Variants in CLEC4D observed in about 807,000 individuals in gnomAD.
CLEC4D encodes the protein C-type (calcium dependent, carbohydrate-recognition domain) lectin, superfamily member 8.
In CLEC4D, 21 loss-of-function variants were observed where a neutral mutation model predicts 21.1. The ratio of observed to expected loss-of-function variants is 1.00; its 90% CI spans 0.71 to 1.43. The LOEUF (loss-of-function observed/expected upper bound fraction) is 1.43, where lower values mean the gene tolerates loss of function less well. CLEC4D is among the 40% of genes most tolerant of loss of function. The pLI, the probability that CLEC4D is intolerant of heterozygous loss-of-function variation, is 0.00. For missense variants in CLEC4D, 289 were observed against 260.7 expected, an observed-to-expected ratio of 1.11 and a Z score of -0.75; for synonymous variants, 85 against 83.1, an observed-to-expected ratio of 1.02 and a Z score of -0.12.
the CLEC4D span, among the ~76,000 whole-genome samples, chr12:8,528,430 A>C: frequency 6.6e-6 from 1 of 152,032 alleles, no homozygotes; most frequent in Admixed American, 6.6e-5. Flanking sequence ...ATAAGAAATA[A>C]ATTTCTTTTC....
chr12:8,528,899 A>G, the CLEC4D span, among the ~76,000 whole-genome samples: 1 of 151,630 alleles, frequency 6.6e-6, no homozygotes, highest in Non-Finnish European at 1.5e-5. Context: ...TAAACATATA[A>G]TTACATACAT....
chr12:8,525,784 T>C (rs901884747), downstream of CLEC4D, among the ~76,000 whole-genome samples: 1 of 152,144 alleles, frequency 6.6e-6, no homozygotes, highest in Non-Finnish European at 1.5e-5. Context: ...CATAGTGTCA[T>C]TGGTCTTTAT....
At position 8,520,222 on chromosome 12, in the gene CLEC4D, G is replaced by A; in HGVS notation, c.385-4G>A. 1.9e-6 allele frequency: 3 copies of A among 1,613,214 alleles called. No individual in the cohort carries two copies. The highest frequency in any genetic ancestry group is 2.5e-6 in the Non-Finnish European group (3 of 1,179,418). On this transcript the variant is annotated splice_polypyrimidine_tract_variant and splice_region_variant and intron_variant, in intron 4 of 5. Coordinates refer to ENST00000299665, the MANE Select transcript of CLEC4D (RefSeq NM_080387.5). ...ACTATATTAAAATTTACATTTTTAT[G>A]CAGAACTTTATTATTCAGTTTCTGG...
chr12:8,516,689 A>G (rs1205960747), intron 2 of CLEC4D, among the ~76,000 whole-genome samples: 2 of 152,222 alleles, frequency 1.3e-5, no homozygotes, highest in Non-Finnish European at 2.9e-5. Context: ...GGAAAAGTTT[A>G]CCGCTATCAT....
intron 2 of CLEC4D, among the ~76,000 whole-genome samples, chr12:8,516,406 A>G (rs1430052014): frequency 6.6e-6 from 1 of 152,208 alleles, no homozygotes; most frequent in African/African-American, 2.4e-5. Flanking sequence ...TCAAACCAGT[A>G]GGAAAAATAC....
downstream of CLEC4D, among the ~76,000 whole-genome samples, chr12:8,523,965 T>G (rs1032919182): frequency 2.0e-5 from 3 of 152,140 alleles, no homozygotes; most frequent in African/African-American, 7.2e-5. Flanking sequence ...ACCATGTGGT[T>G]TTTGTCTTTG....
At chr12:8,529,686 C>A in the CLEC4D span, among the ~76,000 whole-genome samples, 7 of 152,240 alleles carry the variant, frequency 4.6e-5, no homozygotes, top group African/African-American at 1.4e-4. Flanking sequence ...AGTAAGAATA[C>A]AGCAAATGGT....
At chr12:8,529,158 C>T in the CLEC4D span, among the ~76,000 whole-genome samples, 167 of 152,196 alleles carry the variant, frequency 1.1e-3, no homozygotes, top group African/African-American at 3.9e-3. Context: ...ATCACCAGAG[C>T]AATCTCCGTT....
At chr12:8,520,459 G>T in intron 5 of CLEC4D, 118 bp downstream of exon 5, 1 of 1,413,084 alleles carries the variant, frequency 7.1e-7, no homozygotes, top group Non-Finnish European at 9.3e-7. Context: ...GACCACTGTA[G>T]GTTGAGTAAT....
rs1023576311 is a variant in CLEC4D at position 8,521,566 on chromosome 12, T to C, written c.*295T>C. 1 of 267,156 alleles carries C rather than the reference T, an allele frequency of 3.7e-6. No homozygotes were observed. The highest frequency in any genetic ancestry group is 6.4e-6 in the Non-Finnish European group (1 of 156,106). The allele number at this position is 267,156 out of a possible 1,614,324, so 16.5% of individuals were successfully genotyped here. On this transcript the variant is annotated 3_prime_UTR_variant, in exon 6 of 6. Coordinates refer to ENST00000299665, the MANE Select transcript of CLEC4D (RefSeq NM_080387.5). Reference sequence around the variant, plus strand: ...TTTCAATTGGTGTGCACTGAATGCATGTATGGAAGAATAGCGTGAATAATG... The same window carrying C: ...TTTCAATTGGTGTGCACTGAATGCACGTATGGAAGAATAGCGTGAATAATG...
At chr12:8,525,599 T>C (rs1275982812), downstream of CLEC4D, among the ~76,000 whole-genome samples, 1 of 152,198 alleles carries the variant, frequency 6.6e-6, no homozygotes, top group African/African-American at 2.4e-5. Context: ...GTAAGATGGG[T>C]CGCCTGAATA....
chr12:8,525,794 T>C (rs778049334), downstream of CLEC4D, among the ~76,000 whole-genome samples: 4 of 152,316 alleles, frequency 2.6e-5, no homozygotes, highest in Admixed American at 2.0e-4. Context: ...TTGGTCTTTA[T>C]ATTTTGGTCT....
the CLEC4D span, among the ~76,000 whole-genome samples, chr12:8,527,483 C>T: frequency 5.9e-5 from 9 of 152,350 alleles, no homozygotes; most frequent in African/African-American, 2.2e-4. Context: ...CGCAGACTGC[C>T]ACAGCCAGTG....
downstream of CLEC4D, among the ~76,000 whole-genome samples, chr12:8,525,186 G>A (rs1479639741): frequency 2.0e-5 from 3 of 152,160 alleles, no homozygotes; most frequent in Non-Finnish European, 2.9e-5. Flanking sequence ...CTGATTTGGG[G>A]TAGAGAGTTC....
rs757653732 is a variant in CLEC4D, at chr12:8,514,065, A to G, written c.28+305A>G. Among the ~76,000 whole-genome samples the G allele has an allele frequency of 5.3e-3, 809 of 152,292 alleles. 11 individuals carry two copies. Among genetic ancestry groups the G allele is most frequent in the African/African-American group, 0.019 (772 of 41,586 alleles). ...AAGAAAAAAGAGAAAAGGAAGATGT[A>G]GAAAAAGCATTTAGGCTTATGCTGT... On this transcript the variant is annotated intron_variant, in intron 1 of 5. Coordinates refer to ENST00000299665, the MANE Select transcript of CLEC4D (RefSeq NM_080387.5).
the CLEC4D span, among the ~76,000 whole-genome samples, chr12:8,530,083 T>G: frequency 2.6e-5 from 4 of 152,200 alleles, no homozygotes; most frequent in Admixed American, 2.6e-4. Context: ...GTAATTAATC[T>G]TATCAACATT....
chr12:8,524,012 C>T (rs1046508592), downstream of CLEC4D, among the ~76,000 whole-genome samples: 7 of 152,078 alleles, frequency 4.6e-5, no homozygotes, highest in Non-Finnish European at 4.4e-5. Context: ...TATTGATTTG[C>T]GTATGTTGAA....
chr12:8,527,961 C>T, the CLEC4D span, among the ~76,000 whole-genome samples: 4 of 152,170 alleles, frequency 2.6e-5, no homozygotes, highest in Non-Finnish European at 5.9e-5. Flanking sequence ...CCATGTGGCT[C>T]TCAGGTGGGC....
At chr12:8,526,356 C>T (rs1189361636), downstream of CLEC4D, among the ~76,000 whole-genome samples, 2 of 152,098 alleles carry the variant, frequency 1.3e-5, no homozygotes, top group East Asian at 3.9e-4. Context: ...TTTATGAAGT[C>T]CCATATTTCT....
Sources: allele counts gnomAD v4.1 joint callset (sites outside exome capture counted in the v4.1 genomes callset), GRCh38; gene constraint gnomAD v4.1.1; transcripts MANE v1.5; gene names NCBI Gene and HGNC (gene_info 2026-07-23, HGNC 2026-07-21).